The following NTM variants were observed in gnomAD, a reference collection of about 807,000 sequenced individuals.
The protein encoded by NTM is neurotrimin.
A neutral mutation model predicts 42.1 loss-of-function variants in NTM; 13 were observed. The ratio of observed to expected loss-of-function variants is 0.31; its 90% CI spans 0.20 to 0.49. NTM has a LOEUF of 0.49. Ranked by LOEUF, NTM falls within the 20% of genes least tolerant of loss-of-function variation. The probability of loss-of-function intolerance (pLI) is 0.99; values close to 1 mark genes in which losing one functional copy is unlikely to be tolerated. For missense variants in NTM, 373 were observed against 452.8 expected (o/e 0.82, Z 1.60); for synonymous variants, 187 against 179.2 (o/e 1.04, Z -0.35).
intron 2 of NTM, among the ~76,000 whole-genome samples, chr11:132,037,309 C>T (rs561869105): frequency 1.3e-3 from 198 of 152,238 alleles, no homozygotes; most frequent in African/African-American, 4.4e-3. Context: ...TGCCGGCTCC[C>T]TTCACCTCAG....
intron 2 of NTM, among the ~76,000 whole-genome samples, chr11:132,005,178 A>G (rs1052397536): frequency 6.6e-6 from 1 of 152,172 alleles, no homozygotes; most frequent in Admixed American, 6.5e-5. Flanking sequence ...GGTCCCATGC[A>G]TGGAGATTGT....
intron 1 of NTM, among the ~76,000 whole-genome samples, chr11:131,376,067 G>A (rs1183548781): frequency 3.3e-5 from 5 of 152,054 alleles, no homozygotes; most frequent in Non-Finnish European, 5.9e-5. Context: ...GGTCAAGCTG[G>A]CAGGGGTTGC....
At chr11:132,266,673 G>T (rs767118503) in intron 4 of NTM, among the ~76,000 whole-genome samples, 1 of 152,164 alleles carries the variant, frequency 6.6e-6, no homozygotes, top group Non-Finnish European at 1.5e-5. Context: ...GTGAGAAAGA[G>T]AATCCAAGTG....
Position 131,670,257 on chromosome 11 carries a change from C to T in NTM, c.83-241307C>T, listed in dbSNP as rs948971326. ...CATCCCCTTTGGCAAAAAGTGGGCT[C>T]GGAGGTTTTAAGCAAAATGAACCAA... On this transcript the variant is annotated intron_variant, in intron 1 of 8. Transcript: ENST00000683400. 5.9e-5 allele frequency among the ~76,000 whole-genome samples: 9 copies of T among 151,986 alleles called. 1 individual carries two copies. The highest frequency in any genetic ancestry group is 4.2e-4 in the South Asian group (2 of 4,808).
chr11:132,254,250 T>C (rs929888517), intron 4 of NTM, among the ~76,000 whole-genome samples: 2 of 151,944 alleles, frequency 1.3e-5, no homozygotes, highest in African/African-American at 4.8e-5. Flanking sequence ...CTGGGGAGTG[T>C]CTCCCCGCAA....
chr11:131,725,464 C>T (rs1395685919), intron 1 of NTM, among the ~76,000 whole-genome samples: 2 of 151,990 alleles, frequency 1.3e-5, no homozygotes, highest in African/African-American at 4.8e-5. Flanking sequence ...TCAGAGCAGG[C>T]TCCAGAGAAG....
At chr11:131,860,445 TG>T (rs1223430922) in intron 1 of NTM, among the ~76,000 whole-genome samples, 1 of 152,158 alleles carries the variant, frequency 6.6e-6, no homozygotes, top group African/African-American at 2.4e-5. Context: ...GCAAAACATG[TG>T]GGATGTTTCT....
intron 2 of NTM, among the ~76,000 whole-genome samples, chr11:131,973,861 G>T (rs901877555): frequency 2.6e-5 from 4 of 152,014 alleles, no homozygotes; most frequent in Non-Finnish European, 5.9e-5. Flanking sequence ...CACAGCATAG[G>T]CATTCAATAT....
chr11:132,298,367 A>T (rs1314768290), intron 4 of NTM, among the ~76,000 whole-genome samples: 1 of 152,196 alleles, frequency 6.6e-6, no homozygotes, highest in African/African-American at 2.4e-5. Flanking sequence ...CACTACTGCA[A>T]ATACACAGTT....
At chr11:131,376,040 A>T (rs1358493815) in intron 1 of NTM, among the ~76,000 whole-genome samples, 1 of 151,760 alleles carries the variant, frequency 6.6e-6, no homozygotes, top group Non-Finnish European at 1.5e-5. Context: ...AAAATAATTG[A>T]TCAGTTGACA....
At chr11:131,844,593 C>T (rs2044688835) in intron 1 of NTM, among the ~76,000 whole-genome samples, 2 of 151,614 alleles carry the variant, frequency 1.3e-5, no homozygotes, top group Admixed American at 1.3e-4. Flanking sequence ...TGTTTCTCTG[C>T]CCATGAACAT....
intron 1 of NTM, among the ~76,000 whole-genome samples, chr11:131,441,871 C>T (rs997266787): frequency 3.3e-5 from 5 of 152,174 alleles, no homozygotes; most frequent in African/African-American, 4.8e-5. Context: ...ACTTGATTCA[C>T]TCCTGAGGAA....
chr11:131,878,591 AAAAATATATATATATATATATATATAT>A lies in NTM; in HGVS notation c.83-32971_83-32945del, dbSNP rs1158994406. 0.026 allele frequency among the ~76,000 whole-genome samples: 771 copies of A among 29,680 alleles called. 213 individuals are homozygous for A. In the East Asian group the frequency reaches 0.38, roughly 15 times the overall value. 19.5% of individuals were successfully genotyped at this position (29,680 alleles called of 152,430 possible). A position where few individuals can be genotyped will look rare whatever the true frequency, so the allele number is the denominator to read the frequency against. On this transcript the variant is annotated intron_variant, in intron 1 of 8. Coordinates refer to ENST00000683400, the MANE Select transcript of NTM (RefSeq NM_001352005.2). ...TCTCAAAAAAAAAAAAAAAAAAAAA[AAAAATATATATATATATATATATATAT>A]ATATATATATATATATATATATAAT...
chr11:131,510,867 C>T (rs2048144232), intron 1 of NTM, among the ~76,000 whole-genome samples: 1 of 151,984 alleles, frequency 6.6e-6, no homozygotes, highest in Non-Finnish European at 1.5e-5. Flanking sequence ...GTCTGCACGG[C>T]CCCCTGGGCC....
At chr11:131,823,977 G>T (rs2093293845) in intron 1 of NTM, among the ~76,000 whole-genome samples, 1 of 152,190 alleles carries the variant, frequency 6.6e-6, no homozygotes. Context: ...TACAGTGTTG[G>T]TTGCATTTAA....
At chr11:132,166,938 C>G (rs548816538) in intron 3 of NTM, among the ~76,000 whole-genome samples, 2 of 152,308 alleles carry the variant, frequency 1.3e-5, no homozygotes, top group Admixed American at 1.3e-4. Flanking sequence ...TTGAAGAATT[C>G]AGAGGATAAA....
intron 1 of NTM, among the ~76,000 whole-genome samples, chr11:131,635,563 G>C (rs1489853894): frequency 6.6e-6 from 1 of 151,998 alleles, no homozygotes; most frequent in Non-Finnish European, 1.5e-5. Context: ...GAGTTTAAAA[G>C]TTTAAAAAAT....
chr11:132,232,371 A>G (rs1478274493), intron 4 of NTM, among the ~76,000 whole-genome samples: 3 of 152,204 alleles, frequency 2.0e-5, no homozygotes, highest in Non-Finnish European at 4.4e-5. Flanking sequence ...TCATGAAAGG[A>G]ACTGGGACCC....
chr11:132,072,733 A>G (rs1034611520), intron 2 of NTM, among the ~76,000 whole-genome samples: 8 of 152,142 alleles, frequency 5.3e-5, no homozygotes, highest in African/African-American at 1.4e-4. Flanking sequence ...AGTGCCGTGT[A>G]CACAGATATC....
Sources: gnomAD v4.1 joint callset for allele counts (sites outside exome capture counted in the v4.1 genomes callset) on GRCh38, gnomAD v4.1.1 for gene constraint, MANE v1.5 for transcripts, NCBI Gene and HGNC (gene_info 2026-07-23, HGNC 2026-07-21) for gene names.